The following TTLL11 variants were observed in gnomAD, a reference collection of about 807,000 sequenced individuals.
The protein encoded by TTLL11 is tubulin polyglutamylase TTLL11.
TTLL11 carries 42 observed loss-of-function variants against 51.7 expected under a neutral mutation model. The observed-to-expected ratio is 0.81, with a 90% CI of 0.64 to 1.05. TTLL11 has a LOEUF of 1.05. TTLL11 is among the 50% of genes least tolerant of loss of function. TTLL11 has a pLI of 0.00. For synonymous variants in TTLL11, 381 were observed against 383.5 expected (o/e 0.99, Z 0.08); for missense variants, 799 against 940.4 (o/e 0.85, Z 1.97).
At chr9:121,956,012 C>A (rs867945105) in intron 6 of TTLL11, among the ~76,000 whole-genome samples, 13 of 152,224 alleles carry the variant, frequency 8.5e-5, no homozygotes, top group African/African-American at 3.1e-4. Context: ...TGGTTAAAAT[C>A]TGCATCCTGA....
chr9:121,842,189 C>T (rs1837373806), intron 8 of TTLL11, among the ~76,000 whole-genome samples: 1 of 152,096 alleles, frequency 6.6e-6, no homozygotes, highest in East Asian at 1.9e-4. Flanking sequence ...GCTAGGGTCT[C>T]AGAGTCCCTC....
intron 4 of TTLL11, among the ~76,000 whole-genome samples, chr9:121,976,999 T>C (rs984307464): frequency 1.3e-5 from 2 of 152,210 alleles, no homozygotes; most frequent in African/African-American, 4.8e-5. Context: ...ATGACGTTTA[T>C]CATCCTTAGT....
At chr9:122,083,008 TG>T (rs1846039208) in intron 1 of TTLL11, among the ~76,000 whole-genome samples, 1 of 152,150 alleles carries the variant, frequency 6.6e-6, no homozygotes, top group South Asian at 2.1e-4. Context: ...TACTCCAACC[TG>T]GGCGACAGAG....
chr9:121,900,277 G>T (rs61042275), intron 6 of TTLL11, among the ~76,000 whole-genome samples: 1 of 152,036 alleles, frequency 6.6e-6, no homozygotes, highest in Non-Finnish European at 1.5e-5. Context: ...TAAGTTTTCA[G>T]TTATTTTCTC....
At chr9:121,939,085 T>A (rs916767227) in intron 6 of TTLL11, among the ~76,000 whole-genome samples, 1 of 152,226 alleles carries the variant, frequency 6.6e-6, no homozygotes, top group Non-Finnish European at 1.5e-5. Flanking sequence ...TATAAGGACA[T>A]TGACCACAGC....
chr9:121,931,628 C>T (rs1408340667), intron 6 of TTLL11, among the ~76,000 whole-genome samples: 1 of 146,118 alleles, frequency 6.8e-6, no homozygotes, highest in Non-Finnish European at 1.5e-5. Flanking sequence ...AAGAAATATT[C>T]AAGCCCCATT....
chr9:121,944,468 A>G (rs1841596528), intron 6 of TTLL11, among the ~76,000 whole-genome samples: 1 of 151,958 alleles, frequency 6.6e-6, no homozygotes, highest in African/African-American at 2.4e-5. Flanking sequence ...AGATCGCGCC[A>G]CTGCACCCAG....
intron 1 of TTLL11, among the ~76,000 whole-genome samples, chr9:122,074,644 A>G (rs1157389625): frequency 1.3e-5 from 2 of 151,504 alleles, no homozygotes; most frequent in African/African-American, 2.4e-5. Context: ...GCTCACACCT[A>G]CAATCCCAGC....
chr9:122,093,139 C>T lies in TTLL11; in HGVS notation c.10G>A (p.Gly4Ser). The change falls in exon 1 of 9, where the codon GGC becomes AGC. Residue 4 changes from glycine (G) to serine (S), a missense_variant. This residue lies in a region of TTLL11 where 166 missense variants were observed against 161.6 expected (regional missense o/e 1.03). Transcript: ENST00000321582. MRR[G>S]SSESELAARW... is the part of the protein sequence containing the mutation. ...GCCGCCAGCTCGCTCTCGGAGCTGCCCCGCCGCATGGTGCTCAGGGCCGGG... is the reference window on the plus strand; with the variant it reads ...GCCGCCAGCTCGCTCTCGGAGCTGCTCCGCCGCATGGTGCTCAGGGCCGGG... 1 of 1,493,224 alleles carries T rather than the reference C, an allele frequency of 6.7e-7. No individual in the cohort carries two copies. Among genetic ancestry groups the T allele is most frequent in the Non-Finnish European group, 8.9e-7 (1 of 1,128,416 alleles). The allele number at this position is 1,493,224 out of a possible 1,614,324, so 92.5% of individuals were successfully genotyped here.
chr9:122,089,936 G>A (rs150104947), intron 1 of TTLL11, among the ~76,000 whole-genome samples: 1 of 152,258 alleles, frequency 6.6e-6, no homozygotes, highest in Non-Finnish European at 1.5e-5. Flanking sequence ...TTACAGGCAT[G>A]AGCCACCACA....
chr9:122,022,688 A>C (rs1242359752), intron 3 of TTLL11, among the ~76,000 whole-genome samples: 1 of 152,060 alleles, frequency 6.6e-6, no homozygotes, highest in Non-Finnish European at 1.5e-5. Context: ...GAATCTACAC[A>C]AAAAAATACA....
rs972899654 is a variant in TTLL11 at position 121,948,453 on chromosome 9, A to G, written c.1481+25556T>C. On this transcript the variant is annotated intron_variant, in intron 6 of 8. Coordinates refer to ENST00000321582, the MANE Select transcript of TTLL11 (RefSeq NM_001139442.2). ...TTATAGAAACGATTTGTAGGTAGCT[A>G]CTGTTCATCAAGTAATATCTACCAC... 2.6e-5 allele frequency among the ~76,000 whole-genome samples: 4 copies of G among 152,196 alleles called. No homozygotes were observed. In the East Asian group the frequency reaches 7.7e-4, roughly 29 times the overall value.
intron 6 of TTLL11, among the ~76,000 whole-genome samples, chr9:121,963,308 T>C (rs1842298123): frequency 6.6e-6 from 1 of 152,190 alleles, no homozygotes; most frequent in African/African-American, 2.4e-5. Flanking sequence ...AAAGTCTAAG[T>C]GACTTTTCTG....
chr9:121,889,152 T>C (rs1839126304), intron 6 of TTLL11, among the ~76,000 whole-genome samples: 1 of 152,160 alleles, frequency 6.6e-6, no homozygotes, highest in Non-Finnish European at 1.5e-5. Flanking sequence ...CCCTATGAGG[T>C]ATCTCTACTT....
At chr9:121,979,729 T>G (rs1330564837) in intron 4 of TTLL11, among the ~76,000 whole-genome samples, 16 of 152,064 alleles carry the variant, frequency 1.1e-4, no homozygotes, top group Admixed American at 1.0e-3. Context: ...AAAGTGCAAA[T>G]AGACTATTAA....
At chr9:121,959,490 G>C (rs1002323388) in intron 6 of TTLL11, among the ~76,000 whole-genome samples, 3 of 152,140 alleles carry the variant, frequency 2.0e-5, no homozygotes, top group African/African-American at 7.2e-5. Context: ...CAGCCACCCA[G>C]TTGCTGAACC....
At chr9:121,901,449 T>C (rs1323816872) in intron 6 of TTLL11, among the ~76,000 whole-genome samples, 2 of 152,270 alleles carry the variant, frequency 1.3e-5, no homozygotes, top group East Asian at 1.9e-4. Flanking sequence ...TTTGCTTCTG[T>C]CATGTGTCTG....
intron 4 of TTLL11, among the ~76,000 whole-genome samples, chr9:121,985,569 T>TGCA (rs1392183673): frequency 1.4e-5 from 2 of 142,810 alleles, no homozygotes; most frequent in Non-Finnish European, 3.0e-5. Context: ...CAGGCTGGAG[T>TGCA]GCAGTGGCGC....
At chr9:122,088,921 G>A (rs750468478) in intron 1 of TTLL11, among the ~76,000 whole-genome samples, 4 of 149,540 alleles carry the variant, frequency 2.7e-5, no homozygotes, top group Non-Finnish European at 5.9e-5. Context: ...CAGGAGAACT[G>A]CTTGAACCTC....
Sources: allele counts gnomAD v4.1 joint callset (sites outside exome capture counted in the v4.1 genomes callset), GRCh38; gene constraint gnomAD v4.1.1; regional missense constraint gnomAD v4.1.1; transcripts MANE v1.5; gene names NCBI Gene and HGNC (gene_info 2026-07-23, HGNC 2026-07-21).